IGSF3: variants seen among roughly 807,000 people sequenced by gnomAD.
IGSF3 encodes the protein immunoglobulin superfamily member 3.
IGSF3 carries 23 observed loss-of-function variants against 114.4 expected under a neutral mutation model. The ratio of observed to expected loss-of-function variants is 0.20; its 90% CI spans 0.14 to 0.28. The LOEUF (loss-of-function observed/expected upper bound fraction) is 0.28, where lower values mean the gene tolerates loss of function less well. Among genes scored for constraint, IGSF3 ranks in the 10% least tolerant of loss-of-function variants. The probability of loss-of-function intolerance (pLI) is 1.00; values close to 1 mark genes in which losing one functional copy is unlikely to be tolerated. For missense variants in IGSF3, 1,172 were observed against 1,591.5 expected, an observed-to-expected ratio of 0.74 and a Z score of 4.48; for synonymous variants, 571 against 645.2, an observed-to-expected ratio of 0.88 and a Z score of 1.74.
Position 116,605,637 on chromosome 1 carries a change from T to C in IGSF3, c.1223-1612A>G, listed in dbSNP as rs574539260. Among the ~76,000 whole-genome samples, 1 of 152,200 alleles carries C rather than the reference T, an allele frequency of 6.6e-6. No individual in the cohort carries two copies. The highest frequency in any genetic ancestry group is 1.5e-5 in the Non-Finnish European group (1 of 68,034). On this transcript the variant is annotated intron_variant, in intron 5 of 10. Transcript: ENST00000369486. The surrounding 1 kb of genome is among the most constrained non-coding windows in gnomAD (Gnocchi z 5.1). ...TTTCTCATGTGCAAAATGGAGATAC[T>C]AATAGTGCCTACTTCTTAGGGCATG...
rs1660352595 is a variant in IGSF3, at chr1:116,596,512, A to G, written c.2029+3429T>C. Among the ~76,000 whole-genome samples, 1 of 152,224 alleles carries G rather than the reference A, an allele frequency of 6.6e-6. No individual in the cohort carries two copies. Among genetic ancestry groups the G allele is most frequent in the Non-Finnish European group, 1.5e-5 (1 of 68,050 alleles). On this transcript the variant is annotated intron_variant, in intron 7 of 10. Transcript: ENST00000369486. The surrounding 1 kb of genome is among the most constrained non-coding windows in gnomAD (Gnocchi z 4.1). ...AGGCACAAGATAAAACTTCTACACC[A>G]TCAGCAAACTGTGTCTTGAGGAACC...
Position 116,585,015 on chromosome 1 carries a change from C to G in IGSF3, c.2478G>C (p.Leu826=). The G allele has an allele frequency of 6.4e-7, 1 of 1,563,608 alleles. No individual in the cohort carries two copies. Among genetic ancestry groups the G allele is most frequent in the Non-Finnish European group, 8.7e-7 (1 of 1,149,224 alleles). The change falls in exon 9 of 11, where the codon CTG becomes CTC. Residue 826 remains leucine (L), a synonymous_variant. Coordinates refer to ENST00000369486, the MANE Select transcript of IGSF3 (RefSeq NM_001007237.3). The surrounding 1 kb of genome is among the most constrained non-coding windows in gnomAD (Gnocchi z 4.9). ...RLRLSQAQGN[L]SVLETRQVQL... is the part of the protein sequence containing the mutation. Reference sequence around the variant, plus strand: ...GTACCTGCCGGGTCTCCAGAACCGACAGGTTCCCCTGGGCTTGGCTGAGCC... The same window carrying G: ...GTACCTGCCGGGTCTCCAGAACCGAGAGGTTCCCCTGGGCTTGGCTGAGCC...
intron 2 of IGSF3, among the ~76,000 whole-genome samples, chr1:116,640,450 A>G (rs1167874570): frequency 2.0e-5 from 3 of 152,226 alleles, no homozygotes; most frequent in African/African-American, 4.8e-5. Flanking sequence ...TCACTCTTGC[A>G]CATTTTTATG....
rs1659950117 is a variant in IGSF3 at position 116,588,562 on chromosome 1, G to A, written c.2440+132C>T. 5 of 811,398 alleles carry A rather than the reference G, an allele frequency of 6.2e-6. No individual in the cohort carries two copies. Among genetic ancestry groups the A allele is most frequent in the Non-Finnish European group, 9.7e-6 (5 of 516,086 alleles). 50.3% of individuals were successfully genotyped at this position (811,398 alleles called of 1,614,324 possible). On this transcript the variant is annotated intron_variant, in intron 8 of 10. Transcript: ENST00000369486. This position sits in a 1 kb window ranked among gnomAD's most constrained non-coding sequence, Gnocchi z 4.9. ...GCAGTGTGCTAGGGTGATGGTCCGTGTACCTGCACCCATACTCAGCATGCA... is the reference window on the plus strand; with the variant it reads ...GCAGTGTGCTAGGGTGATGGTCCGTATACCTGCACCCATACTCAGCATGCA...
chr1:116,608,402 C>T, intron 4 of IGSF3, 71 bp from the exon 5 acceptor site: 1 of 1,001,334 alleles, frequency 1.0e-6, no homozygotes, highest in South Asian at 1.6e-5. Context: ...ACCACATTAG[C>T]ACATTCCCAC....
At position 116,624,542 on chromosome 1, in the gene IGSF3, A is replaced by G. The variant is rs1661518902; in HGVS notation, c.44-8085T>C. Among the ~76,000 whole-genome samples, 1 of 152,238 alleles carries G rather than the reference A, an allele frequency of 6.6e-6. No homozygotes were observed. Among genetic ancestry groups the G allele is most frequent in the South Asian group, 2.1e-4 (1 of 4,834 alleles). ...TAGCAATAGTAGTGATATTAACTCT[A>G]GCTGTGGAACTAATTTCTCCCACAC... is the stretch of plus-strand genomic sequence containing the variant. On this transcript the variant is annotated intron_variant, in intron 2 of 10. Coordinates refer to ENST00000369486, the MANE Select transcript of IGSF3 (RefSeq NM_001007237.3). The surrounding 1 kb of genome is among the most constrained non-coding windows in gnomAD (Gnocchi z 4.9).
intron 2 of IGSF3, among the ~76,000 whole-genome samples, chr1:116,653,163 G>C (rs189101292): frequency 6.6e-6 from 1 of 152,200 alleles, no homozygotes; most frequent in Admixed American, 6.5e-5. Flanking sequence ...TAAGAGATTA[G>C]TTACTTAAAA....
At position 116,646,341 on chromosome 1, in the gene IGSF3, T is replaced by TG. The variant is rs757182414; in HGVS notation, c.43+19942dup. Reference sequence around the variant, plus strand: ...TATTTTTAGGAGGAAGATGGAGAATTGGGGGGGGTCCACACAAAGAGGATG... The same window carrying TG: ...TATTTTTAGGAGGAAGATGGAGAATTGGGGGGGGGTCCACACAAAGAGGATG... On this transcript the variant is annotated intron_variant, in intron 2 of 10. Transcript: ENST00000369486. 4.6e-3 allele frequency among the ~76,000 whole-genome samples: 696 copies of TG among 151,612 alleles called. 3 individuals are homozygous for TG. Among genetic ancestry groups the TG allele is most frequent in the African/African-American group, 9.0e-3 (370 of 41,290 alleles).
chr1:116,593,509 A>C lies in IGSF3; in HGVS notation c.2030-4405T>G, dbSNP rs920831436. Among the ~76,000 whole-genome samples the C allele has an allele frequency of 6.6e-6, 1 of 152,224 alleles. No homozygotes were observed. Among genetic ancestry groups the C allele is most frequent in the African/African-American group, 2.4e-5 (1 of 41,450 alleles). ...GAAGCAAGTCAGATGAGAGACAAGG[A>C]AAGAATGCAGGGTGAGCTGCATGGG... is the stretch of plus-strand genomic sequence containing the variant. On this transcript the variant is annotated intron_variant, in intron 7 of 10. Transcript: ENST00000369486. The surrounding 1 kb of genome is among the most constrained non-coding windows in gnomAD (Gnocchi z 4.5).
chr1:116,619,811 A>G (rs1661354888), intron 2 of IGSF3, among the ~76,000 whole-genome samples: 1 of 151,992 alleles, frequency 6.6e-6, no homozygotes, highest in Non-Finnish European at 1.5e-5. Context: ...GACATTCTGT[A>G]CTCTTTGGAT....
rs1270141462 is a variant in IGSF3, at chr1:116,582,959, G to T, written c.2848+1686C>A. Among the ~76,000 whole-genome samples, 3 of 152,176 alleles carry T rather than the reference G, an allele frequency of 2.0e-5. No individual in the cohort carries two copies. Among genetic ancestry groups the T allele is most frequent in the Non-Finnish European group, 4.4e-5 (3 of 68,036 alleles). ...GGGACGGGAAGGCAGATTGATCCAG[G>T]CTTGCTCACAGGGTTGAACAGGAGG... is the stretch of plus-strand genomic sequence containing the variant. On this transcript the variant is annotated intron_variant, in intron 9 of 10. Transcript: ENST00000369486. This position sits in a 1 kb window ranked among gnomAD's most constrained non-coding sequence, Gnocchi z 4.7.
rs926902803 is a variant in IGSF3, at chr1:116,647,427, C to G, written c.43+18857G>C. ...CCAGCTCCAAATGGTCACACCATGTCTACAGCCAATCAGCTGACCGGGGTG... is the reference window on the plus strand; with the variant it reads ...CCAGCTCCAAATGGTCACACCATGTGTACAGCCAATCAGCTGACCGGGGTG... On this transcript the variant is annotated intron_variant, in intron 2 of 10. Transcript: ENST00000369486. This position sits in a 1 kb window ranked among gnomAD's most constrained non-coding sequence, Gnocchi z 4.6. Among the ~76,000 whole-genome samples, 1 of 152,194 alleles carries G rather than the reference C, an allele frequency of 6.6e-6. No homozygotes were observed. Among genetic ancestry groups the G allele is most frequent in the Non-Finnish European group, 1.5e-5 (1 of 68,042 alleles).
At chr1:116,663,256 T>C (rs1649186365) in intron 2 of IGSF3, among the ~76,000 whole-genome samples, 1 of 152,190 alleles carries the variant, frequency 6.6e-6, no homozygotes, top group East Asian at 1.9e-4. Flanking sequence ...ACACAAATCC[T>C]ATGCTCTCTT....
At position 116,600,171 on chromosome 1, in the gene IGSF3, C is replaced by T. The variant is rs144247428; in HGVS notation, c.1799G>A (p.Arg600Gln). The T allele has an allele frequency of 7.4e-6, 12 of 1,614,026 alleles. No individual in the cohort carries two copies. Among genetic ancestry groups the T allele is most frequent in the African/African-American group, 2.7e-5 (2 of 75,042 alleles). The change falls in exon 7 of 11, where the codon CGG (arginine) becomes CAG (glutamine). Residue 600 changes from arginine to glutamine, a missense_variant. By Grantham distance (43) the Arg-to-Gln change is conservative. Transcript: ENST00000369486. This position sits in a 1 kb window ranked among gnomAD's most constrained non-coding sequence, Gnocchi z 5.5. ...GTCCCCCCACTGGACCCCTCCGTCCCGGGTGAAGGTCACCAAGTCATGGAA... is the reference window on the plus strand; with the variant it reads ...GTCCCCCCACTGGACCCCTCCGTCCTGGGTGAAGGTCACCAAGTCATGGAA... ...VEFHDLVTFT[R>Q]DGGVQWGDRS...
Position 116,595,299 on chromosome 1 carries a change from C to T in IGSF3, c.2029+4642G>A, listed in dbSNP as rs1433416504. Among the ~76,000 whole-genome samples, 1 of 152,124 alleles carries T rather than the reference C, an allele frequency of 6.6e-6. No homozygotes were observed. Among genetic ancestry groups the T allele is most frequent in the East Asian group, 1.9e-4 (1 of 5,190 alleles). On this transcript the variant is annotated intron_variant, in intron 7 of 10. Coordinates refer to ENST00000369486, the MANE Select transcript of IGSF3 (RefSeq NM_001007237.3). This position sits in a 1 kb window ranked among gnomAD's most constrained non-coding sequence, Gnocchi z 4.2. Reference sequence around the variant, plus strand: ...GAGGGGCTGAGCTCTCCTCTTAGGGCTCTTGCACTGACACCCATTCTATCT... The same window carrying T: ...GAGGGGCTGAGCTCTCCTCTTAGGGTTCTTGCACTGACACCCATTCTATCT...
intron 2 of IGSF3, among the ~76,000 whole-genome samples, chr1:116,643,628 T>C (rs779599859): frequency 3.4e-4 from 52 of 152,156 alleles, no homozygotes; most frequent in Non-Finnish European, 1.3e-4. Flanking sequence ...CTGACAAGGA[T>C]GAGGAGCAGA....
chr1:116,612,357 T>C lies in IGSF3; in HGVS notation c.832+1408A>G, dbSNP rs1256322142. On this transcript the variant is annotated intron_variant, in intron 4 of 10. Transcript: ENST00000369486. The surrounding 1 kb of genome is among the most constrained non-coding windows in gnomAD (Gnocchi z 4.1). ...GGTAAAAGATTTCACATCCATTAGA[T>C]GACTTATTAAAGTGATGTCCAGAGA... 1.3e-5 allele frequency among the ~76,000 whole-genome samples: 2 copies of C among 152,092 alleles called. No individual in the cohort carries two copies. The highest frequency in any genetic ancestry group is 4.8e-5 in the African/African-American group (2 of 41,436).
Position 116,613,765 on chromosome 1 carries a change from C to T in IGSF3, c.832G>A (p.Asp278Asn). 1 of 1,612,698 alleles carries T rather than the reference C, an allele frequency of 6.2e-7. No homozygotes were observed. The highest frequency in any genetic ancestry group is 8.5e-7 in the Non-Finnish European group (1 of 1,178,802). The change falls in exon 4 of 11, where the codon GAC becomes AAC. Residue 278 changes from aspartate to asparagine, a missense_variant and splice_region_variant. Around this residue, in one of 3 missense-constraint regions of IGSF3, gnomAD observed 736 missense variants for 1,042.0 expected, o/e 0.71. Coordinates refer to ENST00000369486, the MANE Select transcript of IGSF3 (RefSeq NM_001007237.3). ...EGAVVNVQPT[D>N]KEFTVRLETE... Reference sequence around the variant, plus strand: ...GGACAAGAGGCTCAGAGGGACTGACCAGTTGGCTGGACGTTGACCACGGCT... The same window carrying T: ...GGACAAGAGGCTCAGAGGGACTGACTAGTTGGCTGGACGTTGACCACGGCT...
chr1:116,575,982 A>G lies in IGSF3; in HGVS notation c.*1330T>C, dbSNP rs1311581605. On this transcript the variant is annotated 3_prime_UTR_variant, in exon 11 of 11. Transcript: ENST00000369486. This position sits in a 1 kb window ranked among gnomAD's most constrained non-coding sequence, Gnocchi z 5.6. The stretch of plus-strand genomic sequence containing the variant: ...GTCTGCTGAGACTAGGCAAACAGAA[A>G]GGATGACAAAGGGCTGCGTCTGGAC... The G allele has an allele frequency of 6.6e-6, 1 of 152,246 alleles. No homozygotes were observed. The highest frequency in any genetic ancestry group is 1.5e-5 in the Non-Finnish European group (1 of 68,058). 9.4% of individuals were successfully genotyped at this position (152,246 alleles called of 1,614,324 possible). A position where few individuals can be genotyped will look rare whatever the true frequency, so the allele number is the denominator to read the frequency against.
Sources: allele counts gnomAD v4.1 joint callset (sites outside exome capture counted in the v4.1 genomes callset), GRCh38; gene constraint gnomAD v4.1.1; regional missense constraint gnomAD v4.1.1; non-coding constraint Gnocchi (gnomAD v3.1); transcripts MANE v1.5; gene names NCBI Gene and HGNC (gene_info 2026-07-23, HGNC 2026-07-21).